TRPC4AP: variants seen among roughly 807,000 people sequenced by gnomAD.
TRPC4AP encodes the protein transient receptor potential cation channel subfamily C member 4 associated protein, also known as short transient receptor potential channel 4-associated protein.
Under a neutral mutation model 99.0 loss-of-function variants are expected in TRPC4AP, and 45 were observed. The observed-to-expected ratio is 0.45, with a 90% CI of 0.36 to 0.58. TRPC4AP has a LOEUF of 0.58. TRPC4AP is among the 20% of genes least tolerant of loss of function. TRPC4AP has a pLI of 0.00. For synonymous variants in TRPC4AP, 408 were observed against 385.8 expected, an observed-to-expected ratio of 1.06 and a Z score of -0.67; for missense variants, 879 against 985.3, an observed-to-expected ratio of 0.89 and a Z score of 1.44.
chr20:35,010,889 T>C (rs1200840326), intron 11 of TRPC4AP, among the ~76,000 whole-genome samples: 1 of 152,190 alleles, frequency 6.6e-6, no homozygotes, highest in Non-Finnish European at 1.5e-5. Context: ...TCCCACTGCA[T>C]TTAGAACAGA....
intron 2 of TRPC4AP, among the ~76,000 whole-genome samples, chr20:35,074,870 T>A (rs1262966805): frequency 6.6e-6 from 1 of 152,134 alleles, no homozygotes; most frequent in Non-Finnish European, 1.5e-5. Context: ...GACAGTGGGG[T>A]GTTAAAGTCT....
chr20:35,027,202 A>G (rs1441428812), intron 8 of TRPC4AP, among the ~76,000 whole-genome samples: 1 of 152,146 alleles, frequency 6.6e-6, no homozygotes, highest in African/African-American at 2.4e-5. Context: ...GGGTTTTTGT[A>G]GATGCCCTTT....
intron 1 of TRPC4AP, among the ~76,000 whole-genome samples, chr20:35,092,121 CTG>C (rs1412864154): frequency 6.6e-6 from 1 of 152,202 alleles, no homozygotes; most frequent in Non-Finnish European, 1.5e-5. Flanking sequence ...GAATTCGCGG[CTG>C]TGACAGAATA....
At chr20:35,010,337 T>G (rs559813014) in intron 11 of TRPC4AP, 49 bp from the exon 12 acceptor site, 1 of 1,496,454 alleles carries the variant, frequency 6.7e-7, no homozygotes, top group Non-Finnish European at 9.3e-7. Context: ...CTGGGGCTGC[T>G]GGGTCAGCAC....
intron 7 of TRPC4AP, among the ~76,000 whole-genome samples, chr20:35,042,220 G>A (rs1373029026): frequency 6.6e-6 from 1 of 152,134 alleles, no homozygotes; most frequent in African/African-American, 2.4e-5. Context: ...GACACAGGAG[G>A]AAAAGCAAAT....
intron 12 of TRPC4AP, 50 bp from the exon 13 acceptor site, chr20:35,008,797 C>G: frequency 6.5e-7 from 1 of 1,544,178 alleles, no homozygotes; most frequent in Non-Finnish European, 8.9e-7. Flanking sequence ...CTGACAGGGG[C>G]CCTGGGGATG....
intron 11 of TRPC4AP, among the ~76,000 whole-genome samples, chr20:35,011,854 T>C (rs2082645540): frequency 1.3e-5 from 2 of 152,254 alleles, no homozygotes; most frequent in African/African-American, 2.4e-5. Flanking sequence ...GAGTGTCCTC[T>C]GGCCAGTCCT....
At chr20:35,084,028 G>A (rs6120826) in intron 1 of TRPC4AP, among the ~76,000 whole-genome samples, 28,006 of 151,584 alleles carry the variant, frequency 0.18, 2,689 homozygotes, top group Middle Eastern at 0.34. Context: ...GGCCGGGCGC[G>A]GTGGCTCACA....
intron 7 of TRPC4AP, among the ~76,000 whole-genome samples, chr20:35,037,970 T>C (rs2083360270): frequency 6.6e-6 from 1 of 151,892 alleles, no homozygotes; most frequent in African/African-American, 2.4e-5. Context: ...CTCAGAAGGA[T>C]AGAGACTGCT....
intron 14 of TRPC4AP, 34 bp from the exon 15 acceptor site, chr20:35,006,609 G>A (rs758463359): frequency 5.6e-6 from 9 of 1,603,956 alleles, no homozygotes; most frequent in Middle Eastern, 1.7e-4. Context: ...AGGTGTCAAC[G>A]TGGCTGCCCC....
At chr20:35,085,448 C>CA (rs2084813999) in intron 1 of TRPC4AP, among the ~76,000 whole-genome samples, 1 of 151,656 alleles carries the variant, frequency 6.6e-6, no homozygotes, top group Admixed American at 6.6e-5. Context: ...CTTATCTCTA[C>CA]AAAAAAATAC....
At chr20:35,091,751 A>C (rs1362112066) in intron 1 of TRPC4AP, among the ~76,000 whole-genome samples, 2 of 152,206 alleles carry the variant, frequency 1.3e-5, no homozygotes, top group Admixed American at 1.3e-4. Flanking sequence ...TATAAGTCAG[A>C]TGCTTAATAT....
chr20:35,074,600 TGAGTTC>T (rs1380894869), intron 2 of TRPC4AP, among the ~76,000 whole-genome samples: 1 of 152,246 alleles, frequency 6.6e-6, no homozygotes, highest in African/African-American at 2.4e-5. Flanking sequence ...TTCTTAATCC[TGAGTTC>T]TAGTTTGATT....
chr20:35,042,065 G>A (rs909762017), intron 7 of TRPC4AP, among the ~76,000 whole-genome samples: 1 of 152,126 alleles, frequency 6.6e-6, no homozygotes. Flanking sequence ...ACAACGTGCA[G>A]GTTTGTTACA....
Position 35,002,454 on chromosome 20 carries a change from G to A in TRPC4AP, c.*692C>T, listed in dbSNP as rs1370393102. 1.3e-5 allele frequency: 5 copies of A among 378,372 alleles called. No homozygotes were observed. The highest frequency in any genetic ancestry group is 2.1e-5 in the African/African-American group (1 of 48,150). 23.4% of individuals were successfully genotyped at this position (378,372 alleles called of 1,614,324 possible). A position where few individuals can be genotyped will look rare whatever the true frequency, so the allele number is the denominator to read the frequency against. On this transcript the variant is annotated 3_prime_UTR_variant, in exon 19 of 19. Coordinates refer to ENST00000252015, the MANE Select transcript of TRPC4AP (RefSeq NM_015638.3). ...TAGTCTCCATTTAATTGGTTTATTTGCTGTTAATAAATTGGCAACACAAGG... is the reference window on the plus strand; with the variant it reads ...TAGTCTCCATTTAATTGGTTTATTTACTGTTAATAAATTGGCAACACAAGG...
At chr20:35,019,171 C>G (rs889234000) in intron 9 of TRPC4AP, among the ~76,000 whole-genome samples, 1 of 152,148 alleles carries the variant, frequency 6.6e-6, no homozygotes, top group African/African-American at 2.4e-5. Context: ...CCCTTGCTAC[C>G]CAGTGTAGGC....
rs546555405 is a variant in TRPC4AP at position 35,063,155 on chromosome 20, C to T, written c.415-5584G>A. 6.6e-5 allele frequency among the ~76,000 whole-genome samples: 10 copies of T among 152,302 alleles called. No individual in the cohort carries two copies. In the South Asian group the frequency reaches 1.9e-3, roughly 28 times the overall value. ...TGATTTTATAAGTGTCTGGCATTTC[C>T]CCTGCTTGCACTCACTCTGTCCTGC... On this transcript the variant is annotated intron_variant, in intron 3 of 18. Coordinates refer to ENST00000252015, the MANE Select transcript of TRPC4AP (RefSeq NM_015638.3).
At chr20:35,085,608 C>CT (rs1811291001) in intron 1 of TRPC4AP, among the ~76,000 whole-genome samples, 1 of 55,006 alleles carries the variant, frequency 1.8e-5, no homozygotes, top group African/African-American at 1.2e-4. Context: ...AAGACCCTGT[C>CT]TAAAAAAAAA....
rs1318734064 is a variant in TRPC4AP at position 35,048,212 on chromosome 20, G to GTT, written c.657+1652_657+1653dup. On this transcript the variant is annotated intron_variant, in intron 6 of 18. Coordinates refer to ENST00000252015, the MANE Select transcript of TRPC4AP (RefSeq NM_015638.3). ...TTTCATGCTGATTTGTAAGAATTCT[G>GTT]TTTTTTTTTTTTTTTTTGAGAGGGA... 4.4e-4 allele frequency among the ~76,000 whole-genome samples: 14 copies of GTT among 31,750 alleles called. No homozygotes were observed. The East Asian group carries it at 0.013, about 30-fold the overall frequency. 20.8% of individuals were successfully genotyped at this position (31,750 alleles called of 152,430 possible).
Sources: allele counts gnomAD v4.1 joint callset (sites outside exome capture counted in the v4.1 genomes callset), GRCh38; gene constraint gnomAD v4.1.1; transcripts MANE v1.5; gene names NCBI Gene and HGNC (gene_info 2026-07-23, HGNC 2026-07-21).